Variants in ROBO2 observed in about 807,000 individuals in gnomAD.
ROBO2 encodes the protein roundabout guidance receptor 2, also known as roundabout homolog 2.
In ROBO2, 53 loss-of-function variants were observed where a neutral mutation model predicts 160.8. The ratio of observed to expected loss-of-function variants is 0.33; its 90% CI spans 0.26 to 0.41. The LOEUF is 0.41. ROBO2 is among the 10% of genes least tolerant of loss of function. The pLI is 1.00. For missense variants in ROBO2, 1,577 were observed against 1,722.4 expected (o/e 0.92, Z 1.49); for synonymous variants, 664 against 611.7 (o/e 1.09, Z -1.26).
At chr3:77,123,279 C>A (rs551607979) in intron 2 of ROBO2, among the ~76,000 whole-genome samples, 1 of 152,028 alleles carries the variant, frequency 6.6e-6, no homozygotes. Flanking sequence ...ATAAAAGGAA[C>A]CAGACCTTAT....
chr3:77,385,033 T>A (rs1419229349), intron 2 of ROBO2, among the ~76,000 whole-genome samples: 1 of 152,174 alleles, frequency 6.6e-6, no homozygotes, highest in African/African-American at 2.4e-5. Context: ...GTTTTGTTTT[T>A]GTTTCTGTTT....
In ROBO2 at chr3:77,290,615, C is replaced by T. The variant is rs1192192829; in HGVS notation, c.389-186799C>T. Among the ~76,000 whole-genome samples, 2 of 10,162 alleles carry T rather than the reference C, an allele frequency of 2.0e-4. 1 individual carries two copies. Among genetic ancestry groups the T allele is most frequent in the African/African-American group, 2.4e-4 (2 of 8,496 alleles). 6.7% of individuals were successfully genotyped at this position (10,162 alleles called of 152,430 possible). A position where few individuals can be genotyped will look rare whatever the true frequency, so the allele number is the denominator to read the frequency against. On this transcript the variant is annotated intron_variant, in intron 2 of 25. Coordinates refer to ENST00000461745, the Ensembl canonical transcript of ROBO2. ...CACCCCAGACGTAAAGTAAAATTGA[C>T]GGGTAAACGGGTAAGCTGAGGCTAG... is the stretch of plus-strand genomic sequence containing the variant.
intron 1 of ROBO2, among the ~76,000 whole-genome samples, chr3:77,045,854 G>A (rs1289638014): frequency 6.6e-6 from 1 of 152,174 alleles, no homozygotes; most frequent in African/African-American, 2.4e-5. Flanking sequence ...ATATATAAAT[G>A]CAATCATACA....
chr3:76,648,320 T>C (rs1560301818), intron 2 of ROBO2, among the ~76,000 whole-genome samples: 1 of 152,118 alleles, frequency 6.6e-6, no homozygotes, highest in Non-Finnish European at 1.5e-5. Context: ...TTTAAAAATT[T>C]GAAGTAAGAT....
chr3:77,286,719 A>T (rs2060627811), intron 2 of ROBO2, among the ~76,000 whole-genome samples: 1 of 152,118 alleles, frequency 6.6e-6, no homozygotes, highest in Non-Finnish European at 1.5e-5. Context: ...TGCTTTCTTC[A>T]TGAGGCTTTC....
chr3:75,996,280 G>A (rs887789373), intron 2 of ROBO2, among the ~76,000 whole-genome samples: 2 of 152,260 alleles, frequency 1.3e-5, no homozygotes, highest in African/African-American at 2.4e-5. Context: ...AATCATGTGG[G>A]AGGTTTCCCT....
chr3:76,241,069 T>G (rs771665310), intron 2 of ROBO2, among the ~76,000 whole-genome samples: 8 of 152,198 alleles, frequency 5.3e-5, no homozygotes, highest in Non-Finnish European at 8.8e-5. Context: ...TTTGTAAAGA[T>G]AGGAATCTAT....
chr3:76,653,283 CTT>C (rs1373245820), intron 2 of ROBO2, among the ~76,000 whole-genome samples: 4 of 151,604 alleles, frequency 2.6e-5, no homozygotes, highest in African/African-American at 4.8e-5. Flanking sequence ...AGATAATAAA[CTT>C]ATATTCTCTT....
At chr3:77,447,663 T>C (rs1024863596) in intron 2 of ROBO2, among the ~76,000 whole-genome samples, 5 of 152,138 alleles carry the variant, frequency 3.3e-5, no homozygotes, top group African/African-American at 1.2e-4. Flanking sequence ...TCAGCGATAG[T>C]ATCCTTTTGA....
intron 2 of ROBO2, among the ~76,000 whole-genome samples, chr3:76,856,730 A>T (rs1459883910): frequency 6.6e-6 from 1 of 152,186 alleles, no homozygotes; most frequent in Non-Finnish European, 1.5e-5. Flanking sequence ...TATTTAAGTA[A>T]TTTATATTAC....
intron 2 of ROBO2, among the ~76,000 whole-genome samples, chr3:76,842,011 T>G (rs1319491245): frequency 6.6e-6 from 1 of 152,188 alleles, no homozygotes; most frequent in Non-Finnish European, 1.5e-5. Context: ...ATTTGTGCAA[T>G]TAACAGCATC....
intron 2 of ROBO2, among the ~76,000 whole-genome samples, chr3:76,235,519 C>G (rs1040423587): frequency 1.3e-5 from 2 of 152,140 alleles, no homozygotes; most frequent in Non-Finnish European, 2.9e-5. Flanking sequence ...TTTGTTGTAG[C>G]AGCCCTAGAA....
intron 2 of ROBO2, among the ~76,000 whole-genome samples, chr3:76,024,937 GTATA>G (rs111727329): frequency 6.8e-6 from 1 of 147,694 alleles, no homozygotes; most frequent in Non-Finnish European, 1.5e-5. Flanking sequence ...GTGTGTGTGC[GTATA>G]TATATATATA....
intron 2 of ROBO2, among the ~76,000 whole-genome samples, chr3:76,228,954 G>A (rs1436277717): frequency 6.6e-6 from 1 of 152,158 alleles, no homozygotes; most frequent in Non-Finnish European, 1.5e-5. Flanking sequence ...CAAGGCTGTA[G>A]TGAGAAGTGA....
At chr3:76,617,523 ATG>A (rs2088689656) in intron 2 of ROBO2, among the ~76,000 whole-genome samples, 1 of 152,170 alleles carries the variant, frequency 6.6e-6, no homozygotes, top group African/African-American at 2.4e-5. Flanking sequence ...TATATCTCAT[ATG>A]ATATTGTTAA....
At chr3:76,147,449 T>G (rs1164897661) in intron 2 of ROBO2, among the ~76,000 whole-genome samples, 1 of 151,968 alleles carries the variant, frequency 6.6e-6, no homozygotes, top group East Asian at 1.9e-4. Flanking sequence ...TATTACAATC[T>G]TTATTTATAA....
At chr3:76,101,654 C>G (rs1452623043) in intron 2 of ROBO2, among the ~76,000 whole-genome samples, 1 of 151,752 alleles carries the variant, frequency 6.6e-6, no homozygotes, top group Non-Finnish European at 1.5e-5. Context: ...CCCATTAACT[C>G]GTCATTTACA....
At chr3:76,628,489 A>C (rs1372706277) in intron 2 of ROBO2, among the ~76,000 whole-genome samples, 1 of 148,640 alleles carries the variant, frequency 6.7e-6, no homozygotes, top group Non-Finnish European at 1.5e-5. Context: ...GCTTGTCCTA[A>C]ACTCCTGGGC....
At chr3:77,281,348 T>A (rs570944881) in intron 2 of ROBO2, among the ~76,000 whole-genome samples, 1 of 152,306 alleles carries the variant, frequency 6.6e-6, no homozygotes, top group South Asian at 2.1e-4. Context: ...TTTAAAAAAC[T>A]ATATTTTTAC....
Sources: gnomAD v4.1 joint callset for allele counts (sites outside exome capture counted in the v4.1 genomes callset) on GRCh38, gnomAD v4.1.1 for gene constraint, MANE v1.5 for transcripts, NCBI Gene and HGNC (gene_info 2026-07-23, HGNC 2026-07-21) for gene names.